Variants in ZNF827 observed in about 807,000 individuals in gnomAD.
ZNF827 encodes zinc finger protein 827.
In ZNF827, 13 loss-of-function variants were observed where a neutral mutation model predicts 102.4. The observed-to-expected ratio is 0.13, with a 90% CI of 0.08 to 0.20. The LOEUF (loss-of-function observed/expected upper bound fraction) is 0.20. Among genes scored for constraint, ZNF827 ranks in the 10% least tolerant of loss-of-function variants. ZNF827 has a pLI of 1.00. For missense variants in ZNF827, 1,103 were observed against 1,344.4 expected (o/e 0.82, Z 2.81); for synonymous variants, 523 against 536.2 (o/e 0.98, Z 0.34).
intron 1 of ZNF827, among the ~76,000 whole-genome samples, chr4:145,904,081 C>G (rs1751638744): frequency 6.6e-6 from 1 of 152,342 alleles, no homozygotes; most frequent in South Asian, 2.1e-4. Context: ...CCATGACACT[C>G]TCATGCACCA....
intron 8 of ZNF827, among the ~76,000 whole-genome samples, chr4:145,816,945 T>C (rs988933999): frequency 2.6e-5 from 4 of 152,236 alleles, no homozygotes; most frequent in Non-Finnish European, 5.9e-5. Context: ...TCATTATCAC[T>C]GTCATAGTCT....
chr4:145,913,908 A>T (rs1752477464), intron 1 of ZNF827, among the ~76,000 whole-genome samples: 1 of 152,226 alleles, frequency 6.6e-6, no homozygotes, highest in Admixed American at 6.5e-5. Context: ...GGAAGTCTTT[A>T]CTAGGTCAAA....
At chr4:145,904,703 A>C (rs1696477155) in intron 1 of ZNF827, among the ~76,000 whole-genome samples, 1 of 152,044 alleles carries the variant, frequency 6.6e-6, no homozygotes, top group Non-Finnish European at 1.5e-5. Flanking sequence ...TGTGTATGAG[A>C]GTGTGTATGC....
At chr4:145,933,683 A>G (rs1211149874) in intron 1 of ZNF827, among the ~76,000 whole-genome samples, 1 of 152,142 alleles carries the variant, frequency 6.6e-6, no homozygotes, top group Non-Finnish European at 1.5e-5. Flanking sequence ...CCCCTCGGGA[A>G]TAGGCATCAG....
chr4:145,849,391 G>C lies in ZNF827; in HGVS notation c.2152C>G (p.Pro718Ala). Residue 718 changes from proline to alanine, a missense_variant, in exon 6 of 15, where the codon CCA becomes GCA. By Grantham distance (27) the Pro-to-Ala change is conservative (BLOSUM62 -1). This residue lies in a region of ZNF827 where 243 missense variants were observed against 251.6 expected (regional missense o/e 0.97). Coordinates refer to ENST00000508784, the MANE Select transcript of ZNF827 (RefSeq NM_001306215.2). ...LQKMPEGRVP[P>A]ERNLFSQDIS... ...TCCTGACTGAAGAGGTTTCTCTCTGGGGGTACTCTGCCCTCTGGCATCTTC... is the reference window on the plus strand; with the variant it reads ...TCCTGACTGAAGAGGTTTCTCTCTGCGGGTACTCTGCCCTCTGGCATCTTC... 6.2e-7 allele frequency: 1 copy of C among 1,614,126 alleles called. No individual in the cohort carries two copies. The highest frequency in any genetic ancestry group is 8.5e-7 in the Non-Finnish European group (1 of 1,180,020).
chr4:145,783,502 A>G (rs1413912107), intron 8 of ZNF827, among the ~76,000 whole-genome samples: 1 of 152,226 alleles, frequency 6.6e-6, no homozygotes, highest in Non-Finnish European at 1.5e-5. Context: ...ACCTCTTCCC[A>G]ATAGCATCAA....
chr4:145,901,497 T>C (rs1751411599), intron 2 of ZNF827, among the ~76,000 whole-genome samples: 1 of 152,238 alleles, frequency 6.6e-6, no homozygotes, highest in South Asian at 2.1e-4. Flanking sequence ...ATTTTCCACA[T>C]GCACATTCCT....
chr4:145,779,542 A>C, intron 8 of ZNF827, 31 bp from the exon 9 acceptor site: 1 of 1,607,180 alleles, frequency 6.2e-7, no homozygotes. Flanking sequence ...ATCATGAGAA[A>C]TAAGGCAACA....
chr4:145,831,524 C>G (rs938132083), intron 7 of ZNF827: 3 of 152,212 alleles, frequency 2.0e-5, no homozygotes, highest in African/African-American at 7.2e-5. Context: ...ATATAGGCAG[C>G]AGATTTTCTT....
intron 4 of ZNF827, among the ~76,000 whole-genome samples, chr4:145,882,502 A>G (rs374999897): frequency 1.4e-4 from 21 of 151,854 alleles, no homozygotes; most frequent in Admixed American, 2.0e-4. Flanking sequence ...ACGTTAAGAA[A>G]CCTCTAACAG....
chr4:145,923,407 C>T (rs1439798717), intron 1 of ZNF827, among the ~76,000 whole-genome samples: 5 of 151,116 alleles, frequency 3.3e-5, no homozygotes, highest in Admixed American at 1.3e-4. Context: ...GAGTTTGAGA[C>T]CAGCCTGGCC....
intron 8 of ZNF827, among the ~76,000 whole-genome samples, chr4:145,806,973 C>A (rs1741513597): frequency 6.6e-6 from 1 of 152,168 alleles, no homozygotes; most frequent in Non-Finnish European, 1.5e-5. Context: ...AAATAAGTAA[C>A]CACCCTCAAA....
At chr4:145,840,913 CT>C (rs1745354292) in intron 7 of ZNF827, among the ~76,000 whole-genome samples, 1 of 152,192 alleles carries the variant, frequency 6.6e-6, no homozygotes, top group South Asian at 2.1e-4. Context: ...GAAAAATAGC[CT>C]GCATTTCAAA....
At chr4:145,830,366 AC>A (rs1744092198) in intron 7 of ZNF827, 1 of 152,322 alleles carries the variant, frequency 6.6e-6, no homozygotes, top group Non-Finnish European at 1.5e-5. Flanking sequence ...ATTAGTTATA[AC>A]TACCTCCTCA....
intron 8 of ZNF827, among the ~76,000 whole-genome samples, chr4:145,811,284 C>T (rs962601127): frequency 1.2e-4 from 19 of 152,218 alleles, no homozygotes; most frequent in African/African-American, 3.9e-4. Flanking sequence ...TGAGCCACTG[C>T]GCCTGGCCCC....
At chr4:145,832,500 C>G (rs1744325143) in intron 7 of ZNF827, 1 of 152,140 alleles carries the variant, frequency 6.6e-6, no homozygotes, top group Admixed American at 6.5e-5. Flanking sequence ...CTCTGTCTCC[C>G]TCTGTCTCTG....
chr4:145,905,125 G>T (rs917637381), intron 1 of ZNF827, among the ~76,000 whole-genome samples: 3 of 152,142 alleles, frequency 2.0e-5, no homozygotes, highest in Non-Finnish European at 4.4e-5. Flanking sequence ...TTCTAAAGTG[G>T]TGCTCCTAGA....
At chr4:145,801,700 T>C (rs1740922724) in intron 8 of ZNF827, among the ~76,000 whole-genome samples, 1 of 152,198 alleles carries the variant, frequency 6.6e-6, no homozygotes, top group African/African-American at 2.4e-5. Context: ...TTGATGTTCA[T>C]TTTCATCAAC....
Position 145,902,168 on chromosome 4 carries a change from G to A in ZNF827, c.1091C>T (p.Ser364Leu). Residue 364 changes from serine (S) to leucine (L), a missense_variant and splice_region_variant, in exon 2 of 15, where the codon TCA (serine) becomes TTA (leucine). Transcript: ENST00000508784. The surrounding 1 kb of genome is among the most constrained non-coding windows in gnomAD (Gnocchi z 4.3). ...GATTGAAAGAAAAGATGCCATACCT[G>A]AATTGGAGGGTTTAGAAACTCTTCC... ...PKGRVSKPSN[S>L]ASEEESGKPF... The A allele has an allele frequency of 6.3e-7, 1 of 1,587,692 alleles. No individual in the cohort carries two copies. The highest frequency in any genetic ancestry group is 1.2e-5 in the South Asian group (1 of 85,532).
Sources: gnomAD v4.1 joint callset for allele counts (sites outside exome capture counted in the v4.1 genomes callset) on GRCh38, gnomAD v4.1.1 for gene constraint, gnomAD v4.1.1 regional missense constraint, Gnocchi (gnomAD v3.1) non-coding constraint, MANE v1.5 for transcripts, NCBI Gene and HGNC (gene_info 2026-07-23, HGNC 2026-07-21) for gene names.